Variants in ARMH3 observed in about 807,000 individuals in gnomAD.
ARMH3 encodes armadillo-like helical domain-containing protein 3.
Under a neutral mutation model 99.1 loss-of-function variants are expected in ARMH3, and 60 were observed. The observed-to-expected ratio is 0.61, with a 90% CI of 0.49 to 0.75. The LOEUF (loss-of-function observed/expected upper bound fraction) is 0.75. ARMH3 is among the 30% of genes least tolerant of loss of function. ARMH3 has a pLI of 0.00. For missense variants in ARMH3, 679 were observed against 843.1 expected (o/e 0.81, Z 2.41); for synonymous variants, 285 against 292.8 (o/e 0.97, Z 0.27).
intron 24 of ARMH3, among the ~76,000 whole-genome samples, chr10:101,854,586 T>G (rs2066687383): frequency 6.6e-6 from 1 of 152,042 alleles, no homozygotes; most frequent in African/African-American, 2.4e-5. Context: ...TGCCTCAACT[T>G]AGGCGAGGGG....
chr10:101,903,582 A>T (rs911314530), intron 23 of ARMH3, among the ~76,000 whole-genome samples: 6 of 152,232 alleles, frequency 3.9e-5, no homozygotes, highest in Non-Finnish European at 8.8e-5. Context: ...GAATTAGTTT[A>T]TAATTAGGCA....
At chr10:102,045,082 G>A (rs1264788352) in intron 1 of ARMH3, among the ~76,000 whole-genome samples, 2 of 139,466 alleles carry the variant, frequency 1.4e-5, no homozygotes, top group South Asian at 2.2e-4. Flanking sequence ...GTTGCAGTGA[G>A]CTAACATCAC....
chr10:101,938,096 T>C (rs563134462), intron 23 of ARMH3, among the ~76,000 whole-genome samples: 55 of 152,320 alleles, frequency 3.6e-4, no homozygotes, highest in African/African-American at 1.3e-3. Flanking sequence ...CTTGAACTCC[T>C]GGGCTCAAGT....
intron 23 of ARMH3, among the ~76,000 whole-genome samples, chr10:101,906,481 T>A (rs1210576015): frequency 1.3e-5 from 2 of 152,234 alleles, no homozygotes; most frequent in African/African-American, 2.4e-5. Context: ...TAGGAGGCTC[T>A]TATAACATGA....
intron 17 of ARMH3, 104 bp downstream of exon 17, chr10:101,993,434 A>G: frequency 1.2e-6 from 1 of 834,204 alleles, no homozygotes; most frequent in Non-Finnish European, 1.9e-6. Context: ...CTTTGGCACA[A>G]CTTTCCACCC....
intron 23 of ARMH3, among the ~76,000 whole-genome samples, chr10:101,935,121 G>C (rs1490572022): frequency 6.8e-6 from 1 of 147,876 alleles, no homozygotes; most frequent in Non-Finnish European, 1.5e-5. Flanking sequence ...TTAGATCTGT[G>C]GAAGCAGCTG....
chr10:101,853,050 A>ATTTTTTTTT (rs747143889), intron 24 of ARMH3, among the ~76,000 whole-genome samples: 1 of 129,566 alleles, frequency 7.7e-6, no homozygotes, highest in African/African-American at 2.8e-5. Context: ...TGCTTGGCTA[A>ATTTTTTTTT]TTTTTTTTTT....
At chr10:101,864,106 C>A (rs1221867267) in intron 24 of ARMH3, among the ~76,000 whole-genome samples, 10 of 143,484 alleles carry the variant, frequency 7.0e-5, no homozygotes, top group Admixed American at 1.4e-4. Context: ...CACACACACA[C>A]AAAAACCAGA....
At chr10:101,869,655 C>G (rs1188825664) in intron 24 of ARMH3, among the ~76,000 whole-genome samples, 1 of 152,230 alleles carries the variant, frequency 6.6e-6, no homozygotes, top group East Asian at 1.9e-4. Flanking sequence ...ACCTAAATTT[C>G]TACCTTATGA....
chr10:101,870,394 T>C (rs1356555714), intron 24 of ARMH3, among the ~76,000 whole-genome samples: 1 of 152,212 alleles, frequency 6.6e-6, no homozygotes, highest in Non-Finnish European at 1.5e-5. Context: ...AGTATACTGA[T>C]ATATGCATTT....
chr10:101,922,311 T>C (rs1843337493), intron 23 of ARMH3, among the ~76,000 whole-genome samples: 1 of 152,174 alleles, frequency 6.6e-6, no homozygotes, highest in Admixed American at 6.5e-5. Flanking sequence ...GGCACAATCA[T>C]ACCTCATTGC....
At chr10:102,054,303 C>T (rs1018906501) in intron 1 of ARMH3, among the ~76,000 whole-genome samples, 1 of 151,646 alleles carries the variant, frequency 6.6e-6, no homozygotes, top group African/African-American at 2.4e-5. Context: ...GCAGAAGAAT[C>T]GCTGGAACCC....
At chr10:101,989,413 G>A (rs185494418) in intron 19 of ARMH3, among the ~76,000 whole-genome samples, 1 of 151,910 alleles carries the variant, frequency 6.6e-6, no homozygotes, top group Non-Finnish European at 1.5e-5. Flanking sequence ...CTCCAGTTGT[G>A]CTCATTATAA....
rs2135808750 is a variant in ARMH3, at chr10:101,956,724, C to A, written c.1579-1G>T. On this transcript the variant is annotated splice_acceptor_variant, in intron 21 of 25. Coordinates refer to ENST00000370033, the MANE Select transcript of ARMH3 (RefSeq NM_024541.3). LOFTEE classifies it high-confidence loss of function. ...TAAACATATTAAATAGGTTCACAAT[C>A]TAAAAAAGAAGGAAAGGCCCATATA... The A allele has an allele frequency of 6.2e-7, 1 of 1,612,126 alleles. No homozygotes were observed. The highest frequency in any genetic ancestry group is 2.2e-5 in the East Asian group (1 of 44,820).
chr10:101,912,038 C>T (rs1390033663), intron 23 of ARMH3, among the ~76,000 whole-genome samples: 1 of 149,566 alleles, frequency 6.7e-6, no homozygotes, highest in Non-Finnish European at 1.5e-5. Context: ...ATCTCAACAA[C>T]AACAACAACA....
rs1428330483 is a variant in ARMH3, at chr10:102,036,448, G to T, written c.103-3109C>A. Among the ~76,000 whole-genome samples the T allele has an allele frequency of 2.0e-5, 3 of 152,308 alleles. No homozygotes were observed. The East Asian group carries it at 5.8e-4, about 29-fold the overall frequency. ...TGGAATAGAAAAGGGGGAAAGGTGG[G>T]GAAAAGCTAGAGAAATCAGATTGTT... is the stretch of plus-strand genomic sequence containing the variant. On this transcript the variant is annotated intron_variant, in intron 2 of 25. Coordinates refer to ENST00000370033, the MANE Select transcript of ARMH3 (RefSeq NM_024541.3).
chr10:101,921,101 C>T (rs1843290315), intron 23 of ARMH3, among the ~76,000 whole-genome samples: 1 of 151,944 alleles, frequency 6.6e-6, no homozygotes, highest in Non-Finnish European at 1.5e-5. Flanking sequence ...CCAAACTTAA[C>T]AAATCATTAG....
chr10:101,864,091 A>AC (rs1589926114), intron 24 of ARMH3, among the ~76,000 whole-genome samples: 1 of 150,984 alleles, frequency 6.6e-6, no homozygotes, highest in East Asian at 1.9e-4. Flanking sequence ...ACACACACAC[A>AC]CACACACACA....
intron 23 of ARMH3, among the ~76,000 whole-genome samples, chr10:101,920,712 C>A (rs921414756): frequency 1.3e-5 from 2 of 152,074 alleles, no homozygotes; most frequent in Admixed American, 6.6e-5. Flanking sequence ...AGAGCAGTAT[C>A]ATTCATAGTA....
Sources: allele counts gnomAD v4.1 joint callset (sites outside exome capture counted in the v4.1 genomes callset), GRCh38; gene constraint gnomAD v4.1.1; transcripts MANE v1.5; gene names NCBI Gene and HGNC (gene_info 2026-07-23, HGNC 2026-07-21).